ZNF808: variants seen among roughly 807,000 people sequenced by gnomAD.
ZNF808 encodes the protein zinc finger protein 808.
Under a neutral mutation model 8.7 loss-of-function variants are expected in ZNF808, and 5 were observed. The observed-to-expected ratio is 0.58, with a 90% CI of 0.30 to 1.21. The LOEUF (loss-of-function observed/expected upper bound fraction) is 1.21, where lower values mean the gene tolerates loss of function less well. Ranked by LOEUF, ZNF808 falls within the 50% of genes most tolerant of loss-of-function variation. The pLI, the probability that ZNF808 is intolerant of heterozygous loss-of-function variation, is 0.07. For synonymous variants in ZNF808, 380 were observed against 366.0 expected (o/e 1.04, Z -0.44); for missense variants, 1,103 against 1,098.4 (o/e 1.00, Z -0.06).
rs562776306 is a variant in ZNF808, at chr19:52,534,416, T to C, written c.-20+1407T>C. Among the ~76,000 whole-genome samples, 14 of 152,334 alleles carry C rather than the reference T, an allele frequency of 9.2e-5. No individual in the cohort carries two copies. The East Asian group carries it at 1.9e-3, about 21-fold the overall frequency. ...TGTATAGAACACTGAAGTTTCTTTC[T>C]CTCTTTTCAACCTCTTAGCTGTTTG... On this transcript the variant is annotated intron_variant, in intron 2 of 4. Transcript: ENST00000359798.
At chr19:52,544,701 C>G (rs771243365) in intron 3 of ZNF808, among the ~76,000 whole-genome samples, 2 of 152,034 alleles carry the variant, frequency 1.3e-5, no homozygotes, top group Non-Finnish European at 2.9e-5. Flanking sequence ...CTTGCTTTAG[C>G]CTTGATATCC....
intron 3 of ZNF808, among the ~76,000 whole-genome samples, chr19:52,545,030 C>T (rs2059707917): frequency 1.3e-5 from 2 of 152,144 alleles, no homozygotes; most frequent in Non-Finnish European, 2.9e-5. Context: ...GATTTGTTCA[C>T]CTCGGCCTCC....
chr19:52,536,463 T>C (rs1464046890), intron 2 of ZNF808, among the ~76,000 whole-genome samples: 1 of 152,038 alleles, frequency 6.6e-6, no homozygotes, highest in Non-Finnish European at 1.5e-5. Flanking sequence ...GTCCTGGAAT[T>C]CTGCAGGTGC....
At position 52,554,573 on chromosome 19, in the gene ZNF808, G is replaced by T; in HGVS notation, c.1657G>T (p.Val553Phe). The change falls in exon 5 of 5, where the codon GTC becomes TTC. Residue 553 changes from valine to phenylalanine, a missense_variant. Transcript: ENST00000359798. ...VCNKVFMRNSVLAVHTRIHTA... is the reference protein window; with the variant it reads ...VCNKVFMRNSFLAVHTRIHTA... ...TAACAAGGTTTTCATGCGTAATTCAGTCCTGGCTGTACATACTAGAATTCA... is the reference window on the plus strand; with the variant it reads ...TAACAAGGTTTTCATGCGTAATTCATTCCTGGCTGTACATACTAGAATTCA... The T allele has an allele frequency of 1.9e-6, 3 of 1,613,610 alleles. No individual in the cohort carries two copies. The highest frequency in any genetic ancestry group is 2.5e-6 in the Non-Finnish European group (3 of 1,179,768).
At chr19:52,545,955 A>G (rs2059716030) in intron 3 of ZNF808, among the ~76,000 whole-genome samples, 1 of 152,188 alleles carries the variant, frequency 6.6e-6, no homozygotes, top group Non-Finnish European at 1.5e-5. Flanking sequence ...CAGCGTTTAT[A>G]TTCAAATGTG....
intron 4 of ZNF808, among the ~76,000 whole-genome samples, chr19:52,551,214 T>G (rs1211057485): frequency 2.0e-5 from 3 of 152,006 alleles, no homozygotes; most frequent in African/African-American, 4.8e-5. Flanking sequence ...TAGCTGGGCG[T>G]TTTGGTATGC....
rs2059863262 is a variant in ZNF808, at chr19:52,563,161, T to TA, written c.*423-156dup. Among the ~76,000 whole-genome samples, 4 of 152,198 alleles carry TA rather than the reference T, an allele frequency of 2.6e-5. No homozygotes were observed. In the South Asian group the frequency reaches 8.3e-4, roughly 31 times the overall value. ...GTGATCTTAAATGTATTTCAGTTCT[T>TA]ATAGTGTGTGCTGGTGGTAAGTAGA... On this transcript the variant is annotated intron_variant and NMD_transcript_variant, in intron 3 of 3. Transcript: ENST00000487863.
intron 4 of ZNF808, among the ~76,000 whole-genome samples, chr19:52,552,238 C>T (rs994719590): frequency 1.3e-5 from 2 of 151,748 alleles, no homozygotes; most frequent in African/African-American, 2.4e-5. Context: ...AGGATGGTCT[C>T]GATCTCCTGA....
At chr19:52,565,555 G>T (rs544092307), downstream of ZNF808, among the ~76,000 whole-genome samples, 3 of 152,288 alleles carry the variant, frequency 2.0e-5, no homozygotes, top group Non-Finnish European at 4.4e-5. Flanking sequence ...CTTCACAGGT[G>T]TAGGAAAGAA....
At chr19:52,559,984 A>C (rs146854112), downstream of ZNF808, among the ~76,000 whole-genome samples, 50 of 152,184 alleles carry the variant, frequency 3.3e-4, no homozygotes, top group Non-Finnish European at 5.6e-4. Flanking sequence ...TATATTTTTT[A>C]TAGTTGTTAT....
intron 4 of ZNF808, among the ~76,000 whole-genome samples, chr19:52,551,544 T>G (rs1415143589): frequency 6.6e-6 from 1 of 152,204 alleles, no homozygotes; most frequent in Non-Finnish European, 1.5e-5. Flanking sequence ...TTGTGGCTTT[T>G]TTCTTCAGAG....
At chr19:52,564,764 A>G (rs2059868608), downstream of ZNF808, among the ~76,000 whole-genome samples, 1 of 151,904 alleles carries the variant, frequency 6.6e-6, no homozygotes, top group Non-Finnish European at 1.5e-5. Context: ...CAACAGCCTG[A>G]CCAACATGGA....
chr19:52,559,585 CTCTT>C (rs1262155581), downstream of ZNF808, among the ~76,000 whole-genome samples: 2 of 152,150 alleles, frequency 1.3e-5, no homozygotes, highest in East Asian at 1.9e-4. Context: ...GTCTCTATGT[CTCTT>C]TCTTTTCTCA....
chr19:52,545,274 A>T (rs1037188416), intron 3 of ZNF808, among the ~76,000 whole-genome samples: 1 of 152,136 alleles, frequency 6.6e-6, no homozygotes. Flanking sequence ...GATTACAGTG[A>T]TTCTGTTGCC....
chr19:52,532,797 C>G (rs1364553682), intron 1 of ZNF808, 111 bp from the exon 2 acceptor site: 9 of 154,026 alleles, frequency 5.8e-5, no homozygotes, highest in African/African-American at 1.9e-4. Flanking sequence ...CTTTGAAGAT[C>G]ATGTTTGGGA....
At chr19:52,551,212 C>A (rs1353165698) in intron 4 of ZNF808, among the ~76,000 whole-genome samples, 1 of 151,968 alleles carries the variant, frequency 6.6e-6, no homozygotes, top group African/African-American at 2.4e-5. Context: ...ATTAGCTGGG[C>A]GTTTTGGTAT....
chr19:52,561,208 CTCTCTATATATATATA>C (rs1195514037), downstream of ZNF808, among the ~76,000 whole-genome samples: 31 of 32,702 alleles, frequency 9.5e-4, no homozygotes, highest in Admixed American at 2.6e-3. Context: ...CTCTCTCTCT[CTCTCTATATATATATA>C]TATATATATA....
intron 4 of ZNF808, among the ~76,000 whole-genome samples, chr19:52,551,519 G>A (rs755498661): frequency 8.5e-5 from 13 of 152,144 alleles, no homozygotes; most frequent in Admixed American, 3.9e-4. Context: ...TTGTGTGCTG[G>A]TGGTTAAGTA....
At chr19:52,532,488 A>G (rs1452579962) in intron 1 of ZNF808, among the ~76,000 whole-genome samples, 1 of 152,182 alleles carries the variant, frequency 6.6e-6, no homozygotes, top group Admixed American at 6.5e-5. Context: ...CTTCTGGTGG[A>G]TTATTTACCA....
Sources: gnomAD v4.1 joint callset for allele counts (sites outside exome capture counted in the v4.1 genomes callset) on GRCh38, gnomAD v4.1.1 for gene constraint, MANE v1.5 for transcripts, NCBI Gene and HGNC (gene_info 2026-07-23, HGNC 2026-07-21) for gene names.